Variants in ZMYM1 observed in about 807,000 individuals in gnomAD.
ZMYM1 encodes zinc finger MYM-type protein 1.
A neutral mutation model predicts 60.0 loss-of-function variants in ZMYM1; 39 were observed. That is an observed-to-expected ratio of 0.65 (90% CI 0.50 to 0.85). ZMYM1 has a LOEUF of 0.85. Ranked by LOEUF, ZMYM1 falls within the 40% of genes least tolerant of loss-of-function variation. ZMYM1 has a pLI of 0.00. For synonymous variants in ZMYM1, 413 were observed against 454.0 expected, an observed-to-expected ratio of 0.91 and a Z score of 1.15; for missense variants, 1,171 against 1,309.5, an observed-to-expected ratio of 0.89 and a Z score of 1.63.
At chr1:35,116,783 G>A (rs905170309), downstream of ZMYM1, among the ~76,000 whole-genome samples, 3 of 147,714 alleles carry the variant, frequency 2.0e-5, no homozygotes, top group African/African-American at 7.5e-5. Context: ...CAAAGAAAAT[G>A]TGATATTCAA....
intron 4 of ZMYM1, 66 bp from the exon 5 acceptor site, chr1:35,104,229 C>A: frequency 1.5e-6 from 2 of 1,356,236 alleles, no homozygotes; most frequent in Non-Finnish European, 2.0e-6. Context: ...GAGGTCATTT[C>A]ATTTATAAAG....
chr1:35,082,591 A>G (rs1343223618), intron 1 of ZMYM1, among the ~76,000 whole-genome samples: 1 of 151,214 alleles, frequency 6.6e-6, no homozygotes, highest in Non-Finnish European at 1.5e-5. Flanking sequence ...TCAGCCTCCT[A>G]AAGTGTTGGG....
chr1:35,113,008 A>ATGCTGT lies in ZMYM1; in HGVS notation c.1183_1188dup (p.Val395_Ala396dup). ...AAGAGTTCACCTAGTGAACCCAGTA[A>ATGCTGT]TGCTGTTGCTAGTAGTAGTACGGAA... is the stretch of plus-strand genomic sequence containing the variant. On this transcript the variant is annotated inframe_insertion, in exon 10 of 10. Transcript: ENST00000359858. The ATGCTGT allele has an allele frequency of 1.2e-6, 2 of 1,601,372 alleles. No individual in the cohort carries two copies. The highest frequency in any genetic ancestry group is 3.5e-5 in the Admixed American group (2 of 57,204).
rs117901295 is a variant in ZMYM1, at chr1:35,107,591, A to G, written c.808-2703A>G. On this transcript the variant is annotated intron_variant, in intron 6 of 9. Coordinates refer to ENST00000359858, the MANE Select transcript of ZMYM1 (RefSeq NM_024772.5). ...CCTAACACTTTCCCCTTGCATCTGA[A>G]TGTAAGACATCATGTGACAGTGATA... Among the ~76,000 whole-genome samples the G allele has an allele frequency of 7.0e-3, 1,060 of 152,298 alleles. 40 individuals carry two copies. The highest frequency in any genetic ancestry group is 0.054 in the East Asian group (277 of 5,172).
chr1:35,064,304 AAAAAAAAAAC>A lies in ZMYM1; in HGVS notation c.-301+4386_-301+4395del, dbSNP rs762854757. Among the ~76,000 whole-genome samples, 23 of 149,234 alleles carry A rather than the reference AAAAAAAAAAC, an allele frequency of 1.5e-4. 1 individual carries two copies. Among genetic ancestry groups the A allele is most frequent in the African/African-American group, 4.3e-4 (17 of 39,426 alleles). On this transcript the variant is annotated intron_variant, in intron 1 of 10. Transcript: ENST00000417119. The stretch of plus-strand genomic sequence containing the variant: ...TGAGATCCTGTCTCAAAAAAAAAAA[AAAAAAAAAAC>A]AAAAAACACTGAAAGGAGAAATAGA...
chr1:35,104,852 G>A (rs986029255), intron 6 of ZMYM1, 83 bp downstream of exon 6: 8 of 1,150,444 alleles, frequency 7.0e-6, no homozygotes, highest in Non-Finnish European at 1.0e-5. Context: ...GTAGTTTTTG[G>A]TACCCTTTGG....
In ZMYM1 at chr1:35,114,118, A is replaced by C. The variant is rs1161626289; in HGVS notation, c.2288A>C (p.Glu763Ala). The change falls in exon 10 of 10, where the codon GAA becomes GCA. Residue 763 changes from glutamate (E) to alanine (A), a missense_variant. Glu to Ala is a moderately radical substitution (Grantham distance 107). Coordinates refer to ENST00000359858, the MANE Select transcript of ZMYM1 (RefSeq NM_024772.5). ...SIIRFCKEVK[E>A]LRSALKTLSS... ...ATTAGGTTTTGTAAAGAAGTAAAAG[A>C]ACTCCGAAGTGCTCTAAAAACTCTC... 3.7e-6 allele frequency: 6 copies of C among 1,612,408 alleles called. No homozygotes were observed. Among genetic ancestry groups the C allele is most frequent in the Non-Finnish European group, 5.1e-6 (6 of 1,179,570 alleles).
At position 35,106,749 on chromosome 1, in the gene ZMYM1, A is replaced by G. The variant is rs943501019; in HGVS notation, c.807+1980A>G. ...GCCTTGGGACCAGAACGGAAAGCAC[A>G]GAAGACTTCTCCCAAAGGCAGGAAA... On this transcript the variant is annotated intron_variant, in intron 6 of 9. Coordinates refer to ENST00000359858, the MANE Select transcript of ZMYM1 (RefSeq NM_024772.5). 3.9e-5 allele frequency among the ~76,000 whole-genome samples: 6 copies of G among 152,210 alleles called. No individual in the cohort carries two copies. In the East Asian group the frequency reaches 7.7e-4, roughly 20 times the overall value.
At chr1:35,109,857 C>T (rs1644025611) in intron 6 of ZMYM1, among the ~76,000 whole-genome samples, 2 of 152,118 alleles carry the variant, frequency 1.3e-5, no homozygotes, top group Admixed American at 6.5e-5. Context: ...AGTGATTCTC[C>T]TGCCTCAGCC....
Position 35,114,422 on chromosome 1 carries a change from C to T in ZMYM1, c.2592C>T (p.Phe864=). The T allele has an allele frequency of 6.2e-7, 1 of 1,613,428 alleles. No individual in the cohort carries two copies. The highest frequency in any genetic ancestry group is 1.7e-5 in the Admixed American group (1 of 59,980). Residue 864 remains phenylalanine (F), a synonymous_variant, in exon 10 of 10, where the codon TTC becomes TTT. Coordinates refer to ENST00000359858, the MANE Select transcript of ZMYM1 (RefSeq NM_024772.5). The stretch of plus-strand genomic sequence containing the variant: ...TTGAATTTGTCTTTTGTTTGAAATT[C>T]CTGTATCGAGTGCTGAGTGTTACAG... ...SKFEFVFCLK[F]LYRVLSVTGI... is the part of the protein sequence containing the mutation.
chr1:35,073,529 C>T (rs1292167204), intron 1 of ZMYM1, among the ~76,000 whole-genome samples: 13 of 145,204 alleles, frequency 9.0e-5, no homozygotes, highest in Middle Eastern at 3.5e-3. Flanking sequence ...CACCACTTCA[C>T]GCCAGCCTAG....
chr1:35,089,738 C>T (rs1222294275), intron 1 of ZMYM1, among the ~76,000 whole-genome samples: 51 of 60,958 alleles, frequency 8.4e-4, no homozygotes, highest in South Asian at 2.6e-3. Context: ...AGTTGTAAGG[C>T]TTTTTTTTTT....
intron 1 of ZMYM1, among the ~76,000 whole-genome samples, chr1:35,090,234 G>A (rs780443889): frequency 6.6e-6 from 1 of 152,008 alleles, no homozygotes; most frequent in Non-Finnish European, 1.5e-5. Context: ...GGATCTAGGA[G>A]ACAGGAAGAC....
At position 35,093,966 on chromosome 1, in the gene ZMYM1, T is replaced by G. The variant is rs1174964500; in HGVS notation, c.-22T>G. 2 of 1,560,718 alleles carry G rather than the reference T, an allele frequency of 1.3e-6. No homozygotes were observed. The highest frequency in any genetic ancestry group is 8.7e-7 in the Non-Finnish European group (1 of 1,149,564). On this transcript the variant is annotated 5_prime_UTR_variant, in exon 2 of 10. Transcript: ENST00000359858. ...AACCCATTAGTTTGGAACTGGAGAA[T>G]TCCTTTGCATCAGATACTAAAATGA...
intron 1 of ZMYM1, among the ~76,000 whole-genome samples, chr1:35,073,596 GAAGGA>G (rs1642112593): frequency 7.8e-6 from 1 of 128,558 alleles, no homozygotes; most frequent in East Asian, 2.2e-4. Context: ...GAAAAGAAAA[GAAGGA>G]AAGGAAAGGA....
At chr1:35,074,922 G>A (rs532024981), upstream of ZMYM1, among the ~76,000 whole-genome samples, 74 of 150,968 alleles carry the variant, frequency 4.9e-4, no homozygotes, top group African/African-American at 1.3e-3. Flanking sequence ...GTGCAGTGGC[G>A]CGATCTCGGC....
chr1:35,091,875 G>T (rs1283390843), intron 1 of ZMYM1, among the ~76,000 whole-genome samples: 2 of 119,076 alleles, frequency 1.7e-5, no homozygotes, highest in African/African-American at 6.4e-5. Context: ...GTGACAGAGC[G>T]AGATCTTGTC....
chr1:35,100,621 CAAA>C (rs200864645), intron 4 of ZMYM1, among the ~76,000 whole-genome samples: 5 of 108,304 alleles, frequency 4.6e-5, no homozygotes, highest in Non-Finnish European at 4.0e-5. Context: ...GACCCTGTCT[CAAA>C]AAAAAAAAAA....
downstream of ZMYM1, among the ~76,000 whole-genome samples, chr1:35,116,773 CAA>C (rs975368586): frequency 1.5e-5 from 2 of 134,982 alleles, no homozygotes; most frequent in African/African-American, 5.5e-5. Flanking sequence ...GTTTAAATAA[CAA>C]AGAAAATGTG....
Sources: gnomAD v4.1 joint callset for allele counts (sites outside exome capture counted in the v4.1 genomes callset) on GRCh38, gnomAD v4.1.1 for gene constraint, MANE v1.5 for transcripts, NCBI Gene and HGNC (gene_info 2026-07-23, HGNC 2026-07-21) for gene names.